Variants in DHX35 observed in about 807,000 individuals in gnomAD.
DHX35 encodes DEAH-box helicase 35.
A neutral mutation model predicts 99.6 loss-of-function variants in DHX35; 84 were observed. The observed-to-expected ratio is 0.84, with a 90% CI of 0.71 to 1.01. The LOEUF is 1.01. Among genes scored for constraint, DHX35 ranks in the 50% least tolerant of loss-of-function variants. The pLI, the probability that DHX35 is intolerant of heterozygous loss-of-function variation, is 0.00. For missense variants in DHX35, 852 were observed against 888.5 expected (o/e 0.96, Z 0.52); for synonymous variants, 331 against 316.2 (o/e 1.05, Z -0.50).
intron 4 of DHX35, among the ~76,000 whole-genome samples, chr20:38,984,838 A>C (rs2086226156): frequency 2.0e-5 from 3 of 151,192 alleles, no homozygotes; most frequent in Admixed American, 1.3e-4. Context: ...GGTTTTGCTA[A>C]CCTTGAATTG....
rs2087202170 is a variant in DHX35, at chr20:39,038,996, C to G, written c.*453C>G. 1 of 188,686 alleles carries G rather than the reference C, an allele frequency of 5.3e-6. No individual in the cohort carries two copies. The highest frequency in any genetic ancestry group is 1.1e-5 in the Non-Finnish European group (1 of 91,988). The allele number at this position is 188,686 out of a possible 1,614,324, so 11.7% of individuals were successfully genotyped here. Reference sequence around the variant, plus strand: ...AATGAGGTCTGCTGCCAGGTGTGAACAAGCATGTCTCTACGAATGAACGAA... The same window carrying G: ...AATGAGGTCTGCTGCCAGGTGTGAAGAAGCATGTCTCTACGAATGAACGAA... On this transcript the variant is annotated 3_prime_UTR_variant, in exon 22 of 22. Transcript: ENST00000252011.
chr20:39,030,896 C>T, intron 20 of DHX35, 121 bp downstream of exon 20: 1 of 1,082,304 alleles, frequency 9.2e-7, no homozygotes, highest in Admixed American at 2.1e-5. Flanking sequence ...GGCGTGGTGG[C>T]TCACGCCTGT....
At chr20:39,019,085 T>C (rs1330707438) in intron 15 of DHX35, among the ~76,000 whole-genome samples, 186 bp downstream of exon 15, 1 of 152,232 alleles carries the variant, frequency 6.6e-6, no homozygotes, top group African/African-American at 2.4e-5. Flanking sequence ...TACGTTCACA[T>C]TGTTGTGCAA....
At chr20:38,976,336 C>CTG (rs11472267) in intron 3 of DHX35, among the ~76,000 whole-genome samples, 26,081 of 146,010 alleles carry the variant, frequency 0.18, 2,346 homozygotes, top group Middle Eastern at 0.27. Context: ...AGAGAAGTGT[C>CTG]TGTGTGTGTG....
intron 4 of DHX35, 86 bp downstream of exon 4, chr20:38,983,862 T>C: frequency 8.4e-7 from 1 of 1,184,702 alleles, no homozygotes; most frequent in East Asian, 2.5e-5. Context: ...TTTAAATGAA[T>C]AGAAGTTGCT....
At chr20:39,029,615 A>G (rs1374606614) in intron 19 of DHX35, 1 of 125,522 alleles carries the variant, frequency 8.0e-6, no homozygotes, top group African/African-American at 3.0e-5. Context: ...TGTGGAGGCG[A>G]CCCCCACGGT....
intron 15 of DHX35, among the ~76,000 whole-genome samples, chr20:39,021,253 C>T (rs758384472): frequency 2.0e-5 from 3 of 152,318 alleles, no homozygotes; most frequent in South Asian, 2.1e-4. Flanking sequence ...TGTCCCCTCT[C>T]GGACTTCCTG....
At chr20:38,989,242 C>T (rs1601392372) in intron 5 of DHX35, among the ~76,000 whole-genome samples, 1 of 148,796 alleles carries the variant, frequency 6.7e-6, no homozygotes, top group Non-Finnish European at 1.5e-5. Context: ...GGACTACAGG[C>T]GACCGTCACC....
At chr20:38,972,722 C>T in intron 3 of DHX35, 71 bp downstream of exon 3, 1 of 974,000 alleles carries the variant, frequency 1.0e-6, no homozygotes. Context: ...TGAGAGCTCT[C>T]TTTACTATCA....
At chr20:39,005,619 A>G (rs1475401505) in intron 11 of DHX35, among the ~76,000 whole-genome samples, 4 of 152,134 alleles carry the variant, frequency 2.6e-5, no homozygotes, top group Admixed American at 6.6e-5. Context: ...TATGTTCAGC[A>G]TGTCTTCACC....
chr20:39,019,714 A>G (rs78074713), intron 15 of DHX35, among the ~76,000 whole-genome samples: 60 of 152,288 alleles, frequency 3.9e-4, no homozygotes, highest in African/African-American at 1.3e-3. Flanking sequence ...TTGTGCTAAG[A>G]ATTTGTGCTA....
Position 38,972,655 on chromosome 20 carries a change from A to T in DHX35, c.267+4A>T. 1.3e-6 allele frequency: 2 copies of T among 1,599,952 alleles called. No individual in the cohort carries two copies. The highest frequency in any genetic ancestry group is 1.7e-6 in the Non-Finnish European group (2 of 1,167,988). ...GAAGAGCACACAGATTCCTCAGGTG[A>T]GTACATATTTAATAAGTGTCTTTAC... On this transcript the variant is annotated splice_donor_region_variant and intron_variant, in intron 3 of 21. Coordinates refer to ENST00000252011, the MANE Select transcript of DHX35 (RefSeq NM_021931.4).
rs747070185 is a variant in DHX35, at chr20:39,025,295, G to C, written c.1737G>C (p.Ala579=). The stretch of plus-strand genomic sequence containing the variant: ...ATTACAAGGGTCTTGTCAGAGCTGC[G>C]ACTGTAAGAGAACAATTGAAAAAGC... ...FLNYKGLVRA[A]TVREQLKKLL... The change falls in exon 18 of 22, where the codon GCG becomes GCC. Residue 579 remains alanine, a synonymous_variant. Coordinates refer to ENST00000252011, the MANE Select transcript of DHX35 (RefSeq NM_021931.4). 12 of 1,613,576 alleles carry C rather than the reference G, an allele frequency of 7.4e-6. No individual in the cohort carries two copies. The highest frequency in any genetic ancestry group is 1.7e-5 in the Admixed American group (1 of 59,918).
At chr20:39,030,897 T>C in intron 20 of DHX35, 122 bp downstream of exon 20, 1 of 1,073,200 alleles carries the variant, frequency 9.3e-7, no homozygotes, top group Non-Finnish European at 1.4e-6. Context: ...GCGTGGTGGC[T>C]CACGCCTGTA....
At chr20:38,983,614 T>C (rs1263320175) in intron 3 of DHX35, 85 bp from the exon 4 acceptor site, 3 of 1,124,908 alleles carry the variant, frequency 2.7e-6, no homozygotes, top group Non-Finnish European at 3.9e-6. Context: ...TCTTAGTGAT[T>C]TTAACACAAT....
intron 3 of DHX35, among the ~76,000 whole-genome samples, chr20:38,980,511 G>GTTTTTTTTTTTTTTTTTTTTTTTTTTT (rs397953645): frequency 7.3e-6 from 1 of 136,994 alleles, no homozygotes; most frequent in African/African-American, 2.7e-5. Flanking sequence ...TTATAGTTCT[G>GTTTTTTTTTTTTTTTTTTTTTTTTTTT]TTTTTTTTTT....
intron 8 of DHX35, among the ~76,000 whole-genome samples, chr20:38,997,227 T>G (rs771493062): frequency 6.6e-6 from 1 of 152,024 alleles, no homozygotes; most frequent in African/African-American, 2.4e-5. Context: ...TGAGCCACCA[T>G]GCCTGGTTAA....
chr20:39,020,026 T>C (rs2086848138), intron 15 of DHX35, among the ~76,000 whole-genome samples: 1 of 152,228 alleles, frequency 6.6e-6, no homozygotes, highest in Non-Finnish European at 1.5e-5. Flanking sequence ...CTTGGCATAA[T>C]GTCCTCCAGT....
rs556011819 is a variant in DHX35 at position 39,033,269 on chromosome 20, C to T, written c.1956-937C>T. On this transcript the variant is annotated intron_variant, in intron 20 of 21. Transcript: ENST00000252011. ...TTTTTTTTTTAAATCAAGAGAGATGCAAAACCTCAATTTTAGATCCTTTTT... is the reference window on the plus strand; with the variant it reads ...TTTTTTTTTTAAATCAAGAGAGATGTAAAACCTCAATTTTAGATCCTTTTT... Among the ~76,000 whole-genome samples the T allele has an allele frequency of 5.3e-5, 8 of 152,142 alleles. No homozygotes were observed. In the South Asian group the frequency reaches 1.7e-3, roughly 32 times the overall value.
Sources: gnomAD v4.1 joint callset for allele counts (sites outside exome capture counted in the v4.1 genomes callset) on GRCh38, gnomAD v4.1.1 for gene constraint, MANE v1.5 for transcripts, NCBI Gene and HGNC (gene_info 2026-07-23, HGNC 2026-07-21) for gene names.